PTPRQ: variants seen among roughly 807,000 people sequenced by gnomAD.
PTPRQ encodes the protein protein tyrosine phosphatase receptor type Q, also known as phosphatidylinositol phosphatase PTPRQ.
In PTPRQ, 199 loss-of-function variants were observed where a neutral mutation model predicts 246.0. The observed-to-expected ratio is 0.81, with a 90% confidence interval of 0.72 to 0.91. PTPRQ has a LOEUF of 0.91. Among genes scored for constraint, PTPRQ ranks in the 40% least tolerant of loss-of-function variants. The pLI is 0.00. For synonymous variants in PTPRQ, 869 were observed against 853.2 expected, an observed-to-expected ratio of 1.02 and a Z score of -0.32; for missense variants, 2,624 against 2,528.4, an observed-to-expected ratio of 1.04 and a Z score of -0.81.
At chr12:80,614,604 T>C (rs1898680097) in intron 29 of PTPRQ, among the ~76,000 whole-genome samples, 1 of 150,906 alleles carries the variant, frequency 6.6e-6, no homozygotes. Flanking sequence ...TTTGACTTTA[T>C]ATCTTTATAA....
At chr12:80,628,887 A>G (rs1899307118) in intron 33 of PTPRQ, among the ~76,000 whole-genome samples, 1 of 152,026 alleles carries the variant, frequency 6.6e-6, no homozygotes, top group Non-Finnish European at 1.5e-5. Context: ...TCAATTTTAA[A>G]TAGTGTGCTG....
At position 80,482,745 on chromosome 12, in the gene PTPRQ, C is replaced by T. The variant is rs1457615086; in HGVS notation, c.1187-1688C>T. ...TGAACAGACACTTCTCAAAAGAAGA[C>T]ATTTATGCAGCCAAAAGACACATGA... On this transcript the variant is annotated intron_variant, in intron 8 of 44. Transcript: ENST00000644991. Among the ~76,000 whole-genome samples, 1,329 of 151,454 alleles carry T rather than the reference C, an allele frequency of 8.8e-3. 16 individuals carry two copies. Among genetic ancestry groups the T allele is most frequent in the Non-Finnish European group, 0.013 (896 of 67,956 alleles).
chr12:80,628,188 C>A (rs561353658), intron 33 of PTPRQ, among the ~76,000 whole-genome samples: 1 of 151,862 alleles, frequency 6.6e-6, no homozygotes, highest in African/African-American at 2.4e-5. Context: ...TCAAACCGTT[C>A]GTATTTTAAT....
intron 43 of PTPRQ, among the ~76,000 whole-genome samples, chr12:80,677,611 C>A (rs11114566): frequency 6.6e-6 from 1 of 151,988 alleles, no homozygotes; most frequent in African/African-American, 2.4e-5. Flanking sequence ...ATAAAACTGA[C>A]GTTCCAGTAA....
chr12:80,658,990 C>A (rs538612547), intron 39 of PTPRQ, among the ~76,000 whole-genome samples: 2 of 151,898 alleles, frequency 1.3e-5, no homozygotes, highest in African/African-American at 4.8e-5. Flanking sequence ...AGGAAAAAAA[C>A]GAATTAGTTC....
At chr12:80,668,864 A>G (rs1900872637) in intron 39 of PTPRQ, 143 bp from the exon 40 acceptor site, 1 of 1,151,464 alleles carries the variant, frequency 8.7e-7, no homozygotes, top group Non-Finnish European at 1.1e-6. Context: ...GGAAATTTTG[A>G]GTATTTAAGA....
At chr12:80,648,534 T>C (rs997603287) in intron 35 of PTPRQ, among the ~76,000 whole-genome samples, 3 of 152,082 alleles carry the variant, frequency 2.0e-5, no homozygotes, top group African/African-American at 7.2e-5. Context: ...ATAGAGGAAA[T>C]ATTTTTAAAA....
At chr12:80,636,178 G>A (rs1404918816) in intron 35 of PTPRQ, among the ~76,000 whole-genome samples, 1 of 152,192 alleles carries the variant, frequency 6.6e-6, no homozygotes, top group African/African-American at 2.4e-5. Flanking sequence ...TAAACATTCA[G>A]ATGTTGATCT....
intron 6 of PTPRQ, among the ~76,000 whole-genome samples, chr12:80,466,291 A>C (rs984662940): frequency 2.0e-5 from 3 of 152,180 alleles, no homozygotes; most frequent in African/African-American, 4.8e-5. Flanking sequence ...TAGGAATCCA[A>C]CTTACAAGGG....
intron 32 of PTPRQ, 95 bp from the exon 33 acceptor site, chr12:80,621,966 A>G (rs2121137297): frequency 1.1e-6 from 1 of 876,290 alleles, no homozygotes; most frequent in South Asian, 2.6e-5. Context: ...TTTCTTTTGA[A>G]TTAAATAAAT....
At chr12:80,635,383 AT>A (rs1424434087) in intron 35 of PTPRQ, among the ~76,000 whole-genome samples, 1 of 152,138 alleles carries the variant, frequency 6.6e-6, no homozygotes, top group Non-Finnish European at 1.5e-5. Flanking sequence ...CATATGATAG[AT>A]TTTTACATTA....
At chr12:80,644,602 G>A (rs1223529801) in intron 35 of PTPRQ, among the ~76,000 whole-genome samples, 1 of 152,024 alleles carries the variant, frequency 6.6e-6, no homozygotes, top group Non-Finnish European at 1.5e-5. Context: ...ATCAATTTCT[G>A]TGAGTTTCTA....
At chr12:80,634,619 A>G (rs1399266334) in intron 34 of PTPRQ, 1 of 229,704 alleles carries the variant, frequency 4.4e-6, no homozygotes, top group Non-Finnish European at 8.4e-6. Context: ...TGACATAGCT[A>G]GAGAGAAGAG....
At chr12:80,507,818 TA>T (rs1317276302) in intron 16 of PTPRQ, among the ~76,000 whole-genome samples, 1 of 151,910 alleles carries the variant, frequency 6.6e-6, no homozygotes, top group Non-Finnish European at 1.5e-5. Context: ...ATTATCTTAA[TA>T]AAAAAACCTT....
intron 35 of PTPRQ, among the ~76,000 whole-genome samples, chr12:80,639,325 A>G (rs1471519904): frequency 6.6e-6 from 1 of 152,248 alleles, no homozygotes; most frequent in Non-Finnish European, 1.5e-5. Flanking sequence ...TCAGAAAAGA[A>G]TAGTAAAACA....
At chr12:80,598,133 C>T (rs1898028958) in intron 26 of PTPRQ, among the ~76,000 whole-genome samples, 1 of 151,876 alleles carries the variant, frequency 6.6e-6, no homozygotes, top group Admixed American at 6.6e-5. Flanking sequence ...ATCCATGAAT[C>T]ATTCTTAGTA....
intron 26 of PTPRQ, among the ~76,000 whole-genome samples, chr12:80,593,199 C>A (rs929209430): frequency 2.0e-5 from 3 of 152,042 alleles, no homozygotes; most frequent in African/African-American, 7.2e-5. Flanking sequence ...CTTGTCAAAA[C>A]CTGGATCTTC....
chr12:80,448,346 G>T (rs1892619134), intron 3 of PTPRQ, among the ~76,000 whole-genome samples: 1 of 151,982 alleles, frequency 6.6e-6, no homozygotes, highest in Non-Finnish European at 1.5e-5. Context: ...AACAAAGATA[G>T]TATGCTTCCT....
chr12:80,553,350 A>C (rs1896542938), intron 25 of PTPRQ, among the ~76,000 whole-genome samples: 1 of 147,926 alleles, frequency 6.8e-6, no homozygotes, highest in Admixed American at 6.8e-5. Flanking sequence ...TTTATTAGGT[A>C]ATTGATTTTT....
Sources: allele counts gnomAD v4.1 joint callset (sites outside exome capture counted in the v4.1 genomes callset), GRCh38; gene constraint gnomAD v4.1.1; transcripts MANE v1.5; gene names NCBI Gene and HGNC (gene_info 2026-07-23, HGNC 2026-07-21).